Variants in HS3ST4 observed in about 807,000 individuals in gnomAD.
The protein encoded by HS3ST4 is heparan sulfate glucosamine 3-O-sulfotransferase 4.
In HS3ST4, 17 loss-of-function variants were observed where a neutral mutation model predicts 29.2. The ratio of observed to expected loss-of-function variants is 0.58; its 90% CI spans 0.40 to 0.87. The LOEUF (loss-of-function observed/expected upper bound fraction) is 0.87, where lower values mean the gene tolerates loss of function less well. HS3ST4 is among the 40% of genes least tolerant of loss of function. The pLI is 0.00. For missense variants in HS3ST4, 627 were observed against 634.5 expected (o/e 0.99, Z 0.13); for synonymous variants, 314 against 285.7 (o/e 1.10, Z -1.00).
At chr16:25,845,030 T>C (rs1275102921) in intron 1 of HS3ST4, among the ~76,000 whole-genome samples, 3 of 151,770 alleles carry the variant, frequency 2.0e-5, no homozygotes, top group Non-Finnish European at 2.9e-5. Flanking sequence ...GGGAACATCA[T>C]ACACTGAGGC....
At chr16:25,821,048 C>T (rs1222455094) in intron 1 of HS3ST4, among the ~76,000 whole-genome samples, 3 of 150,770 alleles carry the variant, frequency 2.0e-5, no homozygotes, top group South Asian at 2.1e-4. Flanking sequence ...CATTCATTTG[C>T]GCCTTTGAAT....
chr16:25,936,128 G>T (rs936639995), intron 1 of HS3ST4, among the ~76,000 whole-genome samples: 1 of 152,126 alleles, frequency 6.6e-6, no homozygotes, highest in Admixed American at 6.5e-5. Context: ...CTCCATGATG[G>T]TCCTGTTGAC....
intron 1 of HS3ST4, among the ~76,000 whole-genome samples, chr16:26,040,606 G>A (rs1331282198): frequency 6.6e-6 from 1 of 151,838 alleles, no homozygotes; most frequent in Admixed American, 6.6e-5. Flanking sequence ...CATTCGGCCT[G>A]CTGTCAGTAT....
intron 1 of HS3ST4, among the ~76,000 whole-genome samples, chr16:25,895,707 G>T (rs868090623): frequency 2.6e-5 from 4 of 151,392 alleles, no homozygotes; most frequent in Admixed American, 1.3e-4. Flanking sequence ...GCTGCTTCTT[G>T]CTGTATACTC....
chr16:25,796,050 T>C (rs1966884322), intron 1 of HS3ST4, among the ~76,000 whole-genome samples: 1 of 152,192 alleles, frequency 6.6e-6, no homozygotes, highest in Admixed American at 6.5e-5. Flanking sequence ...CTGGTCTCAC[T>C]GACCTGTTCT....
At chr16:25,705,661 C>T (rs1567223736) in intron 1 of HS3ST4, among the ~76,000 whole-genome samples, 4 of 150,456 alleles carry the variant, frequency 2.7e-5, no homozygotes, top group Admixed American at 2.6e-4. Context: ...AGTTTCCATC[C>T]CAAAAAAAAA....
chr16:25,905,585 G>A (rs951925818), intron 1 of HS3ST4, among the ~76,000 whole-genome samples: 5 of 152,074 alleles, frequency 3.3e-5, no homozygotes. Flanking sequence ...GATTTGTATG[G>A]GCATGAAGGC....
chr16:25,970,722 T>C (rs921799767), intron 1 of HS3ST4, among the ~76,000 whole-genome samples: 1 of 152,178 alleles, frequency 6.6e-6, no homozygotes, highest in Non-Finnish European at 1.5e-5. Flanking sequence ...ACTTGCTTGT[T>C]GTCTAGGTTG....
intron 1 of HS3ST4, among the ~76,000 whole-genome samples, chr16:25,724,466 C>T (rs58493943): frequency 0.73 from 110,694 of 151,290 alleles, 41,426 homozygotes; most frequent in East Asian, 0.84. Flanking sequence ...CAGGTTCAAG[C>T]GATTCTCCTG....
At chr16:25,942,989 G>A (rs61615863) in intron 1 of HS3ST4, among the ~76,000 whole-genome samples, 12 of 152,128 alleles carry the variant, frequency 7.9e-5, no homozygotes, top group African/African-American at 1.9e-4. Context: ...ATCTTAAAAC[G>A]TTAATAAACC....
At chr16:25,960,454 A>G (rs1048773110) in intron 1 of HS3ST4, among the ~76,000 whole-genome samples, 5 of 152,232 alleles carry the variant, frequency 3.3e-5, no homozygotes, top group African/African-American at 1.2e-4. Context: ...TGCGTGATTC[A>G]TCATCACAGT....
chr16:26,032,736 C>T (rs930104328), intron 1 of HS3ST4: 87 of 1,088,300 alleles, frequency 8.0e-5, no homozygotes, highest in Middle Eastern at 5.9e-4. Context: ...GACAACCTCG[C>T]GGATCTTCTC....
At chr16:25,874,867 G>A (rs1967813513) in intron 1 of HS3ST4, among the ~76,000 whole-genome samples, 1 of 152,144 alleles carries the variant, frequency 6.6e-6, no homozygotes, top group South Asian at 2.1e-4. Context: ...TATACTAGCT[G>A]TGTGGCCTTG....
chr16:26,062,165 A>G (rs745933522), intron 1 of HS3ST4, among the ~76,000 whole-genome samples: 1 of 152,184 alleles, frequency 6.6e-6, no homozygotes, highest in Non-Finnish European at 1.5e-5. Flanking sequence ...TTAAATTTCT[A>G]TCTCAGGGCT....
intron 1 of HS3ST4, among the ~76,000 whole-genome samples, chr16:25,954,143 C>T (rs1290900594): frequency 2.0e-5 from 3 of 152,186 alleles, no homozygotes; most frequent in African/African-American, 4.8e-5. Context: ...GTGCTTTGCT[C>T]CTTGCTGACT....
rs116965219 is a variant in HS3ST4, at chr16:26,063,521, A to G, written c.735-72091A>G. ...GTGAGACCTTGTCTCTACTGAAAAA[A>G]AAAAAAAAGAAAAAAACCATTAAAA... On this transcript the variant is annotated intron_variant, in intron 1 of 1. Coordinates refer to ENST00000331351, the MANE Select transcript of HS3ST4 (RefSeq NM_006040.3). Among the ~76,000 whole-genome samples, 142 of 151,800 alleles carry G rather than the reference A, an allele frequency of 9.4e-4. 1 individual carries two copies. In the East Asian group the frequency reaches 0.026, roughly 28 times the overall value.
At chr16:25,763,949 T>C (rs1966803641) in intron 1 of HS3ST4, among the ~76,000 whole-genome samples, 1 of 152,140 alleles carries the variant, frequency 6.6e-6, no homozygotes, top group South Asian at 2.1e-4. Flanking sequence ...CTGTTGTAGG[T>C]TGTGGCCTGC....
chr16:25,991,094 A>G (rs1969109651), intron 1 of HS3ST4, among the ~76,000 whole-genome samples: 3 of 148,284 alleles, frequency 2.0e-5, no homozygotes, highest in Admixed American at 2.0e-4. Flanking sequence ...ATCATCAATA[A>G]CATTGATACA....
chr16:26,058,860 G>A (rs941000956), intron 1 of HS3ST4, among the ~76,000 whole-genome samples: 1 of 152,136 alleles, frequency 6.6e-6, no homozygotes, highest in Non-Finnish European at 1.5e-5. Context: ...CTGCTGAATT[G>A]GCTCCTGGTG....
Sources: gnomAD v4.1 joint callset for allele counts (sites outside exome capture counted in the v4.1 genomes callset) on GRCh38, gnomAD v4.1.1 for gene constraint, MANE v1.5 for transcripts, NCBI Gene and HGNC (gene_info 2026-07-23, HGNC 2026-07-21) for gene names.